Variants in SPAG16 observed in about 807,000 individuals in gnomAD.
SPAG16 encodes the protein sperm associated antigen 16, also known as sperm-associated antigen 16 protein.
In SPAG16, 86 loss-of-function variants were observed where a neutral mutation model predicts 80.4. The observed-to-expected ratio is 1.07, with a 90% CI of 0.90 to 1.28. SPAG16 has a LOEUF of 1.28. Ranked by LOEUF, SPAG16 falls within the 50% of genes most tolerant of loss-of-function variation. The probability of loss-of-function intolerance (pLI) is 0.00; values close to 1 mark genes in which losing one functional copy is unlikely to be tolerated. For synonymous variants in SPAG16, 294 were observed against 265.9 expected, an observed-to-expected ratio of 1.11 and a Z score of -1.03; for missense variants, 870 against 765.3, an observed-to-expected ratio of 1.14 and a Z score of -1.61.
In SPAG16 at chr2:214,360,973, A is replaced by G. The variant is rs539516619; in HGVS notation, c.1721-49167A>G. On this transcript the variant is annotated intron_variant, in intron 15 of 15. Coordinates refer to ENST00000331683, the MANE Select transcript of SPAG16 (RefSeq NM_024532.5). ...CCAAAAATCTACCACAGCCTGGGAC[A>G]AGGTTCATCTGGACTCTGAGTGTAG... Among the ~76,000 whole-genome samples, 3 of 151,980 alleles carry G rather than the reference A, an allele frequency of 2.0e-5. No individual in the cohort carries two copies. The East Asian group carries it at 5.8e-4, about 29-fold the overall frequency.
chr2:213,810,048 A>G (rs753666346), intron 10 of SPAG16, among the ~76,000 whole-genome samples: 1 of 152,206 alleles, frequency 6.6e-6, no homozygotes, highest in Admixed American at 6.6e-5. Flanking sequence ...AGAGGAAAGT[A>G]TTCATCAAAA....
chr2:213,523,803 T>A (rs912595878), intron 10 of SPAG16, among the ~76,000 whole-genome samples: 1 of 152,196 alleles, frequency 6.6e-6, no homozygotes, highest in African/African-American at 2.4e-5. Flanking sequence ...TCTGTGGAAC[T>A]TTGAACTTGA....
chr2:213,957,147 T>C (rs2044188841), intron 12 of SPAG16, among the ~76,000 whole-genome samples: 1 of 152,006 alleles, frequency 6.6e-6, no homozygotes, highest in African/African-American at 2.4e-5. Context: ...GTTGCTTTAT[T>C]ATGATGTTTA....
chr2:213,489,473 G>T (rs2074146306), intron 9 of SPAG16, among the ~76,000 whole-genome samples: 2 of 152,052 alleles, frequency 1.3e-5, no homozygotes, highest in Admixed American at 1.3e-4. Context: ...TTTTAAATTA[G>T]TACTGTGTCC....
chr2:214,172,574 T>C (rs1009108855), intron 15 of SPAG16, among the ~76,000 whole-genome samples: 2 of 152,148 alleles, frequency 1.3e-5, no homozygotes, highest in African/African-American at 4.8e-5. Flanking sequence ...TGTGCATGTG[T>C]CCTTATAGCA....
chr2:214,099,792 G>A (rs1183006305), intron 13 of SPAG16, among the ~76,000 whole-genome samples: 1 of 151,932 alleles, frequency 6.6e-6, no homozygotes, highest in Non-Finnish European at 1.5e-5. Flanking sequence ...AAAATTGTAG[G>A]GATGTTTTTA....
intron 10 of SPAG16, among the ~76,000 whole-genome samples, chr2:213,817,932 A>G (rs2072666647): frequency 6.6e-6 from 1 of 152,194 alleles, no homozygotes; most frequent in Non-Finnish European, 1.5e-5. Flanking sequence ...CAATATACCC[A>G]TGTAATAAAC....
intron 15 of SPAG16, among the ~76,000 whole-genome samples, chr2:214,304,299 A>G (rs995051947): frequency 1.3e-5 from 2 of 152,244 alleles, no homozygotes; most frequent in African/African-American, 2.4e-5. Context: ...CTTGATGGCC[A>G]TAACACCCAC....
At chr2:214,140,952 G>A (rs1559839243) in intron 14 of SPAG16, among the ~76,000 whole-genome samples, 5 of 88,262 alleles carry the variant, frequency 5.7e-5, no homozygotes, top group Admixed American at 2.5e-4. Flanking sequence ...GGGGGTGGGG[G>A]GTGGGGGGAT....
At chr2:213,961,381 C>T (rs2044409654) in intron 12 of SPAG16, among the ~76,000 whole-genome samples, 1 of 151,982 alleles carries the variant, frequency 6.6e-6, no homozygotes, top group East Asian at 1.9e-4. Context: ...ATCTGGATAC[C>T]TTTTATTTCT....
chr2:214,312,301 A>T (rs1202433103), intron 15 of SPAG16, among the ~76,000 whole-genome samples: 1 of 152,258 alleles, frequency 6.6e-6, no homozygotes, highest in African/African-American at 2.4e-5. Flanking sequence ...CTCTCAGTTT[A>T]TGCACTTGAA....
chr2:213,745,937 A>G (rs1380059912), intron 10 of SPAG16, among the ~76,000 whole-genome samples: 1 of 152,174 alleles, frequency 6.6e-6, no homozygotes, highest in Admixed American at 6.5e-5. Flanking sequence ...GGTAGGTTTC[A>G]TCTCTTTATG....
At chr2:213,310,937 G>A (rs1274905592) in intron 4 of SPAG16, among the ~76,000 whole-genome samples, 1 of 151,636 alleles carries the variant, frequency 6.6e-6, no homozygotes, top group Non-Finnish European at 1.5e-5. Context: ...TTTATAATTA[G>A]GACTAATTCC....
intron 9 of SPAG16, among the ~76,000 whole-genome samples, chr2:213,468,658 G>T (rs753179734): frequency 2.1e-5 from 3 of 140,318 alleles, no homozygotes; most frequent in Non-Finnish European, 4.6e-5. Context: ...ATCTCCTATT[G>T]TGTGTGTGTG....
At chr2:213,809,925 G>A (rs1224809991) in intron 10 of SPAG16, among the ~76,000 whole-genome samples, 1 of 152,100 alleles carries the variant, frequency 6.6e-6, no homozygotes, top group Admixed American at 6.6e-5. Flanking sequence ...TGGGATTCAT[G>A]GTATTCATAA....
intron 15 of SPAG16, among the ~76,000 whole-genome samples, chr2:214,390,810 G>T (rs971193477): frequency 1.3e-5 from 2 of 152,126 alleles, no homozygotes; most frequent in Non-Finnish European, 2.9e-5. Context: ...TCACAGAGAT[G>T]ATCTGAAATG....
intron 15 of SPAG16, among the ~76,000 whole-genome samples, chr2:214,181,283 C>T (rs2057299394): frequency 6.6e-6 from 1 of 151,554 alleles, no homozygotes; most frequent in South Asian, 2.1e-4. Flanking sequence ...TACTAACAGA[C>T]AGAAATAAGA....
chr2:213,935,969 A>T (rs2078972052), intron 12 of SPAG16, among the ~76,000 whole-genome samples: 2 of 152,206 alleles, frequency 1.3e-5, no homozygotes, highest in African/African-American at 4.8e-5. Context: ...ATTACATATA[A>T]TATTTAGAGA....
chr2:214,337,531 G>A (rs1313868233), intron 15 of SPAG16, among the ~76,000 whole-genome samples: 1 of 152,214 alleles, frequency 6.6e-6, no homozygotes, highest in African/African-American at 2.4e-5. Flanking sequence ...GGAGTACCAT[G>A]AGGATATAAT....
Sources: allele counts gnomAD v4.1 joint callset (sites outside exome capture counted in the v4.1 genomes callset), GRCh38; gene constraint gnomAD v4.1.1; transcripts MANE v1.5; gene names NCBI Gene and HGNC (gene_info 2026-07-23, HGNC 2026-07-21).